Variants in AGFG1 observed in about 807,000 individuals in gnomAD.
AGFG1 encodes ArfGAP with FG repeats 1, also known as arf-GAP domain and FG repeat-containing protein 1.
In AGFG1, 10 loss-of-function variants were observed where a neutral mutation model predicts 60.6. The observed-to-expected ratio is 0.16, with a 90% CI of 0.10 to 0.28. AGFG1 has a LOEUF of 0.28. AGFG1 is among the 10% of genes least tolerant of loss of function. The pLI is 1.00. For synonymous variants in AGFG1, 247 were observed against 242.9 expected (o/e 1.02, Z -0.16); for missense variants, 537 against 676.5 (o/e 0.79, Z 2.29).
At position 227,519,933 on chromosome 2, in the gene AGFG1, T is replaced by A. The variant is rs774233577; in HGVS notation, c.262-15T>A. The A allele has an allele frequency of 4.4e-5, 65 of 1,471,306 alleles. No homozygotes were observed. The highest frequency in any genetic ancestry group is 5.9e-5 in the Non-Finnish European group (63 of 1,076,592). The allele number at this position is 1,471,306 out of a possible 1,614,324, so 91.1% of individuals were successfully genotyped here. On this transcript the variant is annotated splice_polypyrimidine_tract_variant and intron_variant, in intron 2 of 12. Coordinates refer to ENST00000310078, the MANE Select transcript of AGFG1 (RefSeq NM_004504.5). The stretch of plus-strand genomic sequence containing the variant: ...ATGTTGAATTTAACATATATTTTTT[T>A]AATTCTTTCCAAAGGTCTGTAAACA...
At chr2:227,519,466 G>T (rs1014095382) in intron 2 of AGFG1, among the ~76,000 whole-genome samples, 2 of 152,120 alleles carry the variant, frequency 1.3e-5, no homozygotes, top group African/African-American at 4.8e-5. Flanking sequence ...GACCAAAAAT[G>T]CATAGGAGAC....
intron 2 of AGFG1, 42 bp downstream of exon 2, chr2:227,491,682 G>A (rs945726004): frequency 3.3e-6 from 4 of 1,206,924 alleles, no homozygotes; most frequent in East Asian, 5.3e-5. Flanking sequence ...TGACTTTTTT[G>A]TTGGCAGTCA....
intron 1 of AGFG1, among the ~76,000 whole-genome samples, chr2:227,476,399 A>C (rs886188249): frequency 1.3e-5 from 2 of 152,216 alleles, no homozygotes; most frequent in Non-Finnish European, 2.9e-5. Flanking sequence ...GGAGACTATA[A>C]ACATTAGTAT....
intron 10 of AGFG1, among the ~76,000 whole-genome samples, chr2:227,550,535 C>T (rs993204640): frequency 7.5e-5 from 10 of 133,486 alleles, no homozygotes; most frequent in Non-Finnish European, 1.4e-4. Context: ...GGTGCATTGT[C>T]GTCTGTTATG....
rs915546212 is a variant in AGFG1 at position 227,498,896 on chromosome 2, A to G, written c.261+7256A>G. Among the ~76,000 whole-genome samples the G allele has an allele frequency of 5.3e-5, 8 of 152,106 alleles. No individual in the cohort carries two copies. The East Asian group carries it at 1.4e-3, about 26-fold the overall frequency. ...TCTCTTAGCTTGTTTTTTTCTTGCC[A>G]TTGTGTGTTATCTTCTAAAAAATCT... On this transcript the variant is annotated intron_variant, in intron 2 of 12. Coordinates refer to ENST00000310078, the MANE Select transcript of AGFG1 (RefSeq NM_004504.5).
intron 5 of AGFG1, among the ~76,000 whole-genome samples, 194 bp downstream of exon 5, chr2:227,525,109 C>T (rs557334003): frequency 3.3e-5 from 5 of 152,204 alleles, no homozygotes; most frequent in South Asian, 2.1e-4. Flanking sequence ...TATTTAATGT[C>T]GGTTGGCATG....
At chr2:227,475,234 A>G (rs1447240518) in intron 1 of AGFG1, among the ~76,000 whole-genome samples, 1 of 152,184 alleles carries the variant, frequency 6.6e-6, no homozygotes, top group African/African-American at 2.4e-5. Context: ...TCCTCATTCG[A>G]GCATGGTTGT....
In AGFG1 at chr2:227,487,148, A is replaced by G. The variant is rs576284995; in HGVS notation, c.168-4399A>G. Among the ~76,000 whole-genome samples the G allele has an allele frequency of 2.6e-5, 4 of 152,266 alleles. No homozygotes were observed. In the South Asian group the frequency reaches 6.2e-4, roughly 24 times the overall value. On this transcript the variant is annotated intron_variant, in intron 1 of 12. Transcript: ENST00000310078. ...CCTCCTTCTGTTAATTTCTTTTTCT[A>G]ATTCTTCAGCATAGACGTTCACATT...
At chr2:227,530,307 T>C (rs1692122057) in intron 5 of AGFG1, among the ~76,000 whole-genome samples, 1 of 152,182 alleles carries the variant, frequency 6.6e-6, no homozygotes, top group Non-Finnish European at 1.5e-5. Context: ...ATTTGCAAAG[T>C]TGTGTTTTCC....
intron 5 of AGFG1, among the ~76,000 whole-genome samples, chr2:227,528,954 T>C (rs1692076500): frequency 6.6e-6 from 1 of 152,230 alleles, no homozygotes; most frequent in East Asian, 1.9e-4. Flanking sequence ...GAAGAAAGAA[T>C]GAAATAGCTA....
intron 2 of AGFG1, among the ~76,000 whole-genome samples, chr2:227,498,034 T>A (rs554614294): frequency 6.6e-6 from 1 of 152,308 alleles, no homozygotes; most frequent in South Asian, 2.1e-4. Context: ...GGGAAATATC[T>A]GTTTTGCCTA....
intron 1 of AGFG1, among the ~76,000 whole-genome samples, chr2:227,484,338 A>G (rs1690556215): frequency 6.6e-6 from 1 of 151,814 alleles, no homozygotes; most frequent in Non-Finnish European, 1.5e-5. Context: ...GAGGACTGCC[A>G]CCACACCTGG....
intron 3 of AGFG1, among the ~76,000 whole-genome samples, chr2:227,520,271 T>C (rs1691786929): frequency 6.6e-6 from 1 of 151,744 alleles, no homozygotes; most frequent in African/African-American, 2.4e-5. Context: ...GGCAGCAGGC[T>C]TTTTGTTGTA....
chr2:227,549,858 C>T (rs1195316899), intron 10 of AGFG1, among the ~76,000 whole-genome samples: 1 of 152,050 alleles, frequency 6.6e-6, no homozygotes, highest in African/African-American at 2.4e-5. Flanking sequence ...TTATTTTAAA[C>T]AGTATAAATA....
intron 10 of AGFG1, among the ~76,000 whole-genome samples, chr2:227,541,755 G>C (rs1325160183): frequency 2.0e-5 from 3 of 152,074 alleles, no homozygotes; most frequent in Non-Finnish European, 4.4e-5. Context: ...AGCTTGATGG[G>C]GATGGCATTG....
chr2:227,484,803 A>G lies in AGFG1; in HGVS notation c.168-6744A>G, dbSNP rs958229766. Among the ~76,000 whole-genome samples, 17 of 146,182 alleles carry G rather than the reference A, an allele frequency of 1.2e-4. 1 individual carries two copies. The East Asian group carries it at 1.9e-3, about 16-fold the overall frequency. On this transcript the variant is annotated intron_variant, in intron 1 of 12. Coordinates refer to ENST00000310078, the MANE Select transcript of AGFG1 (RefSeq NM_004504.5). ...ACTGTAACCTCTGCCTCCTGGGTTC[A>G]AGTGATCTTCCTGCCTCAGCCTCCC... is the stretch of plus-strand genomic sequence containing the variant.
At chr2:227,473,964 A>C (rs1221024920) in intron 1 of AGFG1, among the ~76,000 whole-genome samples, 1 of 152,204 alleles carries the variant, frequency 6.6e-6, no homozygotes, top group Non-Finnish European at 1.5e-5. Context: ...GGGATGCAAA[A>C]GTAAGAAAAA....
Position 227,491,650 on chromosome 2 carries a change from T to A in AGFG1, c.261+10T>A, listed in dbSNP as rs767404440. ...AAAACATGGAAATGAAGTAAGTGGT[T>A]TTTTTTTTTTTTTGCAATTTTTGAC... is the stretch of plus-strand genomic sequence containing the variant. On this transcript the variant is annotated intron_variant, in intron 2 of 12. Transcript: ENST00000310078. 2.1e-6 allele frequency: 1 copy of A among 471,244 alleles called. No individual in the cohort carries two copies. The highest frequency in any genetic ancestry group is 2.6e-6 in the Non-Finnish European group (1 of 379,010). The allele number at this position is 471,244 out of a possible 1,614,324, so 29.2% of individuals were successfully genotyped here. A position where few individuals can be genotyped will look rare whatever the true frequency, so the allele number is the denominator to read the frequency against.
chr2:227,488,030 G>C (rs1167655794), intron 1 of AGFG1, among the ~76,000 whole-genome samples: 1 of 152,230 alleles, frequency 6.6e-6, no homozygotes, highest in Non-Finnish European at 1.5e-5. Context: ...TATGTAATAA[G>C]TGTAGCCTTG....
Sources: gnomAD v4.1 joint callset for allele counts (sites outside exome capture counted in the v4.1 genomes callset) on GRCh38, gnomAD v4.1.1 for gene constraint, MANE v1.5 for transcripts, NCBI Gene and HGNC (gene_info 2026-07-23, HGNC 2026-07-21) for gene names.